The following NCKAP5 variants were observed in gnomAD, a reference collection of about 807,000 sequenced individuals.
NCKAP5 encodes the protein nck-associated protein 5.
A neutral mutation model predicts 167.0 loss-of-function variants in NCKAP5; 92 were observed. That is an observed-to-expected ratio of 0.55 (90% CI 0.47 to 0.66). The LOEUF (loss-of-function observed/expected upper bound fraction) is 0.66. Ranked by LOEUF, NCKAP5 falls within the 30% of genes least tolerant of loss-of-function variation. The probability of loss-of-function intolerance (pLI) is 0.00; values close to 1 mark genes in which losing one functional copy is unlikely to be tolerated. For synonymous variants in NCKAP5, 891 were observed against 877.4 expected, an observed-to-expected ratio of 1.02 and a Z score of -0.27; for missense variants, 2,378 against 2,315.0, an observed-to-expected ratio of 1.03 and a Z score of -0.56.
chr2:132,887,349 A>T lies in NCKAP5; in HGVS notation c.580-8433T>A, dbSNP rs9751459. ...TATCTATCTATCTATCTATCTATCT[A>T]TCCATCCATCCATCTTTCCATCCAT... On this transcript the variant is annotated intron_variant, in intron 8 of 19. Coordinates refer to ENST00000409261, the MANE Select transcript of NCKAP5 (RefSeq NM_207363.3). Among the ~76,000 whole-genome samples, 445 of 115,996 alleles carry T rather than the reference A, an allele frequency of 3.8e-3. 3 individuals carry two copies. The highest frequency in any genetic ancestry group is 0.027 in the East Asian group (118 of 4,294). 76.1% of individuals were successfully genotyped at this position (115,996 alleles called of 152,430 possible).
chr2:132,753,018 G>C (rs1275052522), intron 16 of NCKAP5, among the ~76,000 whole-genome samples: 1 of 152,142 alleles, frequency 6.6e-6, no homozygotes, highest in African/African-American at 2.4e-5. Context: ...CACATAAGAA[G>C]GCACCATCTG....
intron 10 of NCKAP5, among the ~76,000 whole-genome samples, chr2:132,866,650 G>A (rs1159059747): frequency 6.6e-6 from 1 of 151,984 alleles, no homozygotes; most frequent in Non-Finnish European, 1.5e-5. Flanking sequence ...ATGTATTTCT[G>A]GCTGCCCAGT....
the NCKAP5 span, among the ~76,000 whole-genome samples, chr2:133,609,101 AG>A: frequency 1.3e-5 from 2 of 152,216 alleles, no homozygotes; most frequent in Non-Finnish European, 2.9e-5. Context: ...ATTATTATAA[AG>A]TGCTATTCAC....
the NCKAP5 span, among the ~76,000 whole-genome samples, chr2:133,608,900 A>G: frequency 6.6e-6 from 1 of 152,196 alleles, no homozygotes; most frequent in Admixed American, 6.5e-5. Context: ...ACTGCTCTCC[A>G]TGGTCCCAGA....
intron 3 of NCKAP5, among the ~76,000 whole-genome samples, chr2:133,477,583 A>G (rs1465173369): frequency 6.6e-6 from 1 of 152,216 alleles, no homozygotes; most frequent in African/African-American, 2.4e-5. Flanking sequence ...CACACCCATG[A>G]TAGAGTTTAA....
intron 8 of NCKAP5, among the ~76,000 whole-genome samples, chr2:132,926,519 T>A (rs1695906189): frequency 6.6e-6 from 1 of 152,190 alleles, no homozygotes. Flanking sequence ...TTTCTCTGCA[T>A]CTCACCAACA....
intron 16 of NCKAP5, among the ~76,000 whole-genome samples, chr2:132,741,252 A>C (rs1283965971): frequency 6.6e-6 from 1 of 152,070 alleles, no homozygotes; most frequent in African/African-American, 2.4e-5. Flanking sequence ...AAACACTTCT[A>C]GATTTTTGCA....
At chr2:133,258,398 A>G (rs1383272638) in intron 4 of NCKAP5, among the ~76,000 whole-genome samples, 1 of 152,186 alleles carries the variant, frequency 6.6e-6, no homozygotes, top group Non-Finnish European at 1.5e-5. Flanking sequence ...TTCCAACAGC[A>G]TTTCCTAAGA....
intron 4 of NCKAP5, among the ~76,000 whole-genome samples, chr2:133,245,392 G>T (rs192431722): frequency 2.4e-4 from 37 of 152,174 alleles, no homozygotes; most frequent in Admixed American, 2.4e-3. Context: ...CATAAGTATT[G>T]AATTATTCTA....
intron 16 of NCKAP5, among the ~76,000 whole-genome samples, chr2:132,761,682 T>C (rs1681020468): frequency 6.6e-6 from 1 of 152,242 alleles, no homozygotes; most frequent in Non-Finnish European, 1.5e-5. Context: ...AGCCCACATT[T>C]AAACATATAT....
chr2:133,021,006 C>T (rs1484870179), intron 6 of NCKAP5, among the ~76,000 whole-genome samples: 1 of 152,176 alleles, frequency 6.6e-6, no homozygotes, highest in Non-Finnish European at 1.5e-5. Flanking sequence ...AATAACCTCC[C>T]TCTCTGCCCG....
At chr2:133,040,586 TAC>T (rs2079182764) in intron 6 of NCKAP5, among the ~76,000 whole-genome samples, 1 of 152,128 alleles carries the variant, frequency 6.6e-6, no homozygotes, top group South Asian at 2.1e-4. Flanking sequence ...TATATAGGTA[TAC>T]AGTTATATTT....
At chr2:133,012,713 T>C (rs1427730667) in intron 6 of NCKAP5, among the ~76,000 whole-genome samples, 2 of 152,150 alleles carry the variant, frequency 1.3e-5, no homozygotes, top group Non-Finnish European at 2.9e-5. Context: ...CCTACTTCCC[T>C]CTTCCATCAA....
At chr2:133,326,458 CAAAAAAAA>C (rs34750625) in intron 3 of NCKAP5, among the ~76,000 whole-genome samples, 3 of 48,984 alleles carry the variant, frequency 6.1e-5, no homozygotes, top group South Asian at 7.9e-4. Context: ...TCAGTCTCAA[CAAAAAAAA>C]AAAAAAAAAA....
chr2:132,962,641 A>T (rs1045373843), intron 8 of NCKAP5, among the ~76,000 whole-genome samples: 1 of 152,192 alleles, frequency 6.6e-6, no homozygotes, highest in South Asian at 2.1e-4. Flanking sequence ...CCCAGGCTGG[A>T]GTGCAGTGGC....
At chr2:132,953,117 C>A (rs1455922711) in intron 8 of NCKAP5, among the ~76,000 whole-genome samples, 1 of 152,136 alleles carries the variant, frequency 6.6e-6, no homozygotes, top group Non-Finnish European at 1.5e-5. Flanking sequence ...AGCTAAGTAA[C>A]CAACAGTGAG....
At position 133,478,172 on chromosome 2, in the gene NCKAP5, GA is replaced by G. The variant is rs1680102702; in HGVS notation, c.69+39285del. ...GGTTTCAAACTCACTTTCTCTTTTAGATATTGTTCTCTATCACAGTGAATCT... is the reference window on the plus strand; with the variant it reads ...GGTTTCAAACTCACTTTCTCTTTTAGTATTGTTCTCTATCACAGTGAATCT... On this transcript the variant is annotated intron_variant, in intron 3 of 19. Transcript: ENST00000409261. Among the ~76,000 whole-genome samples the G allele has an allele frequency of 2.0e-5, 3 of 152,254 alleles. No individual in the cohort carries two copies. In the South Asian group the frequency reaches 6.2e-4, roughly 32 times the overall value.
chr2:133,466,801 GCTCT>G (rs1256127598), intron 3 of NCKAP5, among the ~76,000 whole-genome samples: 1 of 151,640 alleles, frequency 6.6e-6, no homozygotes, highest in Admixed American at 6.6e-5. Context: ...TCATGATTTG[GCTCT>G]CTGTTTGTCT....
intron 7 of NCKAP5, among the ~76,000 whole-genome samples, chr2:132,988,459 TCAAA>T (rs2077358213): frequency 2.0e-5 from 1 of 49,876 alleles, no homozygotes; most frequent in African/African-American, 1.1e-4. Flanking sequence ...AGACTTTGCC[TCAAA>T]AAAAAAAAAA....
Sources: gnomAD v4.1 joint callset for allele counts (sites outside exome capture counted in the v4.1 genomes callset) on GRCh38, gnomAD v4.1.1 for gene constraint, MANE v1.5 for transcripts, NCBI Gene and HGNC (gene_info 2026-07-23, HGNC 2026-07-21) for gene names.